RFTN2: variants seen among roughly 807,000 people sequenced by gnomAD.
RFTN2 encodes raftlin family member 2.
A neutral mutation model predicts 52.7 loss-of-function variants in RFTN2; 34 were observed. The ratio of observed to expected loss-of-function variants is 0.64; its 90% CI spans 0.49 to 0.86. The LOEUF (loss-of-function observed/expected upper bound fraction) is 0.86. Among genes scored for constraint, RFTN2 ranks in the 40% least tolerant of loss-of-function variants. RFTN2 has a pLI of 0.00. For synonymous variants in RFTN2, 203 were observed against 217.7 expected, an observed-to-expected ratio of 0.93 and a Z score of 0.59; for missense variants, 536 against 600.1, an observed-to-expected ratio of 0.89 and a Z score of 1.12.
chr2:197,639,144 C>G (rs1404167400), intron 3 of RFTN2, among the ~76,000 whole-genome samples: 1 of 144,628 alleles, frequency 6.9e-6, no homozygotes, highest in African/African-American at 2.6e-5. Context: ...TGAGGGTAAC[C>G]TGACCTTTCT....
chr2:197,668,617 C>A (rs1417164751), intron 1 of RFTN2, among the ~76,000 whole-genome samples: 1 of 152,020 alleles, frequency 6.6e-6, no homozygotes. Flanking sequence ...GCTGCAGTAG[C>A]CTGCATGCAG....
chr2:197,660,637 G>A (rs1469319234), intron 1 of RFTN2, among the ~76,000 whole-genome samples: 1 of 151,222 alleles, frequency 6.6e-6, no homozygotes, highest in Non-Finnish European at 1.5e-5. Flanking sequence ...ACAAGATGCA[G>A]TGGTGCCTCC....
At chr2:197,658,181 T>A (rs1012661470) in intron 1 of RFTN2, among the ~76,000 whole-genome samples, 29 of 15,776 alleles carry the variant, frequency 1.8e-3, no homozygotes, top group African/African-American at 3.5e-3. Flanking sequence ...TAAAAAATAT[T>A]TTTTTTTTTT....
intron 3 of RFTN2, 25 bp downstream of exon 3, chr2:197,644,133 A>G (rs201555124): frequency 2.3e-6 from 3 of 1,278,276 alleles, no homozygotes; most frequent in East Asian, 2.3e-5. Context: ...TCAATATCCC[A>G]TGAAAAAGTG....
chr2:197,630,008 G>A (rs936259246), intron 5 of RFTN2, among the ~76,000 whole-genome samples: 21 of 152,204 alleles, frequency 1.4e-4, no homozygotes, highest in African/African-American at 4.8e-4. Context: ...ACAGGTGTGA[G>A]CCACAGTGCC....
rs2089202858 is a variant in RFTN2, at chr2:197,675,423, A to G, written c.36T>C (p.Asp12=). 6.2e-7 allele frequency: 1 copy of G among 1,600,424 alleles called. No homozygotes were observed. Among genetic ancestry groups the G allele is most frequent in the African/African-American group, 1.3e-5 (1 of 74,220 alleles). Residue 12 remains aspartate, a synonymous_variant, in exon 1 of 9, where the codon GAT becomes GAC. Coordinates refer to ENST00000295049, the MANE Select transcript of RFTN2 (RefSeq NM_144629.3). ...AAAATATTTTTCCAGGGCTGCTATC[A>G]TCAGGGTCTTCTAGCTTTCTAAGTC... ...GCGLRKLEDP[D]DSSPGKIFST... is the part of the protein sequence containing the mutation.
At chr2:197,666,500 TCTG>T (rs776246829) in intron 1 of RFTN2, among the ~76,000 whole-genome samples, 1 of 152,242 alleles carries the variant, frequency 6.6e-6, no homozygotes, top group Non-Finnish European at 1.5e-5. Context: ...TGCTGAGAAA[TCTG>T]CTGTTATTCT....
At chr2:197,620,687 C>G (rs1023445622) in intron 5 of RFTN2, among the ~76,000 whole-genome samples, 1 of 152,200 alleles carries the variant, frequency 6.6e-6, no homozygotes, top group African/African-American at 2.4e-5. Flanking sequence ...ACCCAGTAGG[C>G]TGGGCGCAGT....
At chr2:197,616,832 T>TG (rs2088153364) in intron 6 of RFTN2, among the ~76,000 whole-genome samples, 1 of 152,194 alleles carries the variant, frequency 6.6e-6, no homozygotes, top group South Asian at 2.1e-4. Context: ...CCCCACTCAA[T>TG]GGGTTTTCTA....
At chr2:197,596,742 A>G (rs2087798355) in intron 7 of RFTN2, among the ~76,000 whole-genome samples, 1 of 152,194 alleles carries the variant, frequency 6.6e-6, no homozygotes, top group Non-Finnish European at 1.5e-5. Context: ...TTGCCTTATA[A>G]ACAGAAGAGA....
intron 7 of RFTN2, among the ~76,000 whole-genome samples, chr2:197,609,113 T>C (rs1056499254): frequency 3.3e-5 from 5 of 152,206 alleles, no homozygotes; most frequent in African/African-American, 9.7e-5. Context: ...TGTGTCTTTA[T>C]AGTAGTATGA....
At chr2:197,624,713 C>T (rs1480235369) in intron 5 of RFTN2, among the ~76,000 whole-genome samples, 1 of 151,792 alleles carries the variant, frequency 6.6e-6, no homozygotes, top group African/African-American at 2.4e-5. Flanking sequence ...GTAATCCCAG[C>T]ACTTTGGGAG....
chr2:197,609,654 A>C (rs924094241), intron 7 of RFTN2, among the ~76,000 whole-genome samples: 24 of 151,468 alleles, frequency 1.6e-4, no homozygotes, highest in African/African-American at 5.6e-4. Context: ...CCGTTTGTCT[A>C]TTTTGGCTTT....
intron 8 of RFTN2, among the ~76,000 whole-genome samples, chr2:197,585,222 C>T (rs2087576553): frequency 6.6e-6 from 1 of 152,138 alleles, no homozygotes; most frequent in Non-Finnish European, 1.5e-5. Context: ...TCATCCTTAC[C>T]CTACTTTTTG....
intron 5 of RFTN2, among the ~76,000 whole-genome samples, chr2:197,625,947 C>G (rs1376562295): frequency 2.6e-5 from 4 of 151,826 alleles, no homozygotes; most frequent in African/African-American, 9.7e-5. Flanking sequence ...ACCCACCATG[C>G]CCGGCTAATT....
At chr2:197,621,133 G>A (rs891874596) in intron 5 of RFTN2, among the ~76,000 whole-genome samples, 1 of 151,886 alleles carries the variant, frequency 6.6e-6, no homozygotes, top group Non-Finnish European at 1.5e-5. Flanking sequence ...ATTTGTTTCT[G>A]ATTGAAAGTT....
At chr2:197,581,359 T>C (rs1453868524) in intron 8 of RFTN2, among the ~76,000 whole-genome samples, 2 of 152,204 alleles carry the variant, frequency 1.3e-5, no homozygotes, top group Non-Finnish European at 2.9e-5. Context: ...ATCTTAAAGA[T>C]GCTTTTTTCA....
chr2:197,618,074 C>T (rs1409887034), intron 5 of RFTN2, 153 bp from the exon 6 acceptor site: 1 of 369,518 alleles, frequency 2.7e-6, no homozygotes, highest in African/African-American at 2.2e-5. Context: ...CTCTCCCTCT[C>T]CCTCTCCCTC....
At chr2:197,640,394 G>A (rs1385464292) in intron 3 of RFTN2, among the ~76,000 whole-genome samples, 1 of 152,230 alleles carries the variant, frequency 6.6e-6, no homozygotes, top group African/African-American at 2.4e-5. Flanking sequence ...GAGACTCCGT[G>A]GGCGTAGGAC....
Sources: allele counts gnomAD v4.1 joint callset (sites outside exome capture counted in the v4.1 genomes callset), GRCh38; gene constraint gnomAD v4.1.1; transcripts MANE v1.5; gene names NCBI Gene and HGNC (gene_info 2026-07-23, HGNC 2026-07-21).